The following NCKAP5 variants were observed in gnomAD, a reference collection of about 807,000 sequenced individuals.
NCKAP5 encodes nck-associated protein 5.
In NCKAP5, 92 loss-of-function variants were observed where a neutral mutation model predicts 167.0. That is an observed-to-expected ratio of 0.55 (90% CI 0.47 to 0.66). NCKAP5 has a LOEUF of 0.66. Among genes scored for constraint, NCKAP5 ranks in the 30% least tolerant of loss-of-function variants. The pLI is 0.00. For missense variants in NCKAP5, 2,378 were observed against 2,315.0 expected (o/e 1.03, Z -0.56); for synonymous variants, 891 against 877.4 (o/e 1.02, Z -0.27).
At chr2:133,130,984 G>T (rs1188928017) in intron 5 of NCKAP5, among the ~76,000 whole-genome samples, 1 of 152,124 alleles carries the variant, frequency 6.6e-6, no homozygotes, top group Non-Finnish European at 1.5e-5. Context: ...GATCATGAGG[G>T]ACATATATAC....
the NCKAP5 span, among the ~76,000 whole-genome samples, chr2:133,649,216 T>C: frequency 6.6e-6 from 1 of 150,508 alleles, no homozygotes; most frequent in South Asian, 2.1e-4. Context: ...AACAGACCTA[T>C]ATCTAGTATG....
intron 19 of NCKAP5, among the ~76,000 whole-genome samples, chr2:132,707,186 G>A (rs1688441663): frequency 6.6e-6 from 1 of 152,218 alleles, no homozygotes; most frequent in African/African-American, 2.4e-5. Context: ...GCGTTGTGTG[G>A]AGAATCCACA....
At chr2:132,764,109 T>C (rs1286537911) in intron 16 of NCKAP5, among the ~76,000 whole-genome samples, 2 of 152,142 alleles carry the variant, frequency 1.3e-5, no homozygotes, top group Admixed American at 6.5e-5. Context: ...AGTATGCTCA[T>C]AAATACAGAA....
chr2:133,254,072 G>A (rs1468415313), intron 4 of NCKAP5, among the ~76,000 whole-genome samples: 1 of 152,156 alleles, frequency 6.6e-6, no homozygotes. Context: ...AACTATAGCA[G>A]CTGATCTCCA....
At chr2:133,365,470 T>C (rs1685397423) in intron 3 of NCKAP5, among the ~76,000 whole-genome samples, 1 of 151,862 alleles carries the variant, frequency 6.6e-6, no homozygotes, top group South Asian at 2.1e-4. Flanking sequence ...GCCAGGATCA[T>C]TGGATGATAA....
At chr2:133,560,482 C>A (rs1410007882) in intron 1 of NCKAP5, among the ~76,000 whole-genome samples, 2 of 152,090 alleles carry the variant, frequency 1.3e-5, no homozygotes, top group African/African-American at 4.8e-5. Context: ...GAGTACATCA[C>A]AAGTAAAGAA....
intron 2 of NCKAP5, among the ~76,000 whole-genome samples, chr2:133,544,296 C>G (rs1283685481): frequency 3.9e-5 from 6 of 152,178 alleles, no homozygotes; most frequent in African/African-American, 1.2e-4. Flanking sequence ...CACGTGTATA[C>G]ACAAACACAC....
intron 5 of NCKAP5, among the ~76,000 whole-genome samples, chr2:133,162,596 C>G (rs933233573): frequency 6.6e-6 from 1 of 152,136 alleles, no homozygotes; most frequent in Non-Finnish European, 1.5e-5. Context: ...GAGACCGTCA[C>G]CTATTACTTG....
intron 8 of NCKAP5, among the ~76,000 whole-genome samples, chr2:132,907,583 T>A (rs928145797): frequency 1.4e-5 from 2 of 144,032 alleles, no homozygotes; most frequent in Non-Finnish European, 3.0e-5. Context: ...TATGATTGCC[T>A]CATAATCAAG....
At chr2:133,466,345 C>A (rs1212836788) in intron 3 of NCKAP5, among the ~76,000 whole-genome samples, 1 of 150,074 alleles carries the variant, frequency 6.7e-6, no homozygotes, top group African/African-American at 2.5e-5. Flanking sequence ...TTTCTGAGGG[C>A]TCTGTTCTGT....
intron 3 of NCKAP5, among the ~76,000 whole-genome samples, chr2:133,407,127 T>A (rs1403316327): frequency 1.3e-5 from 2 of 152,188 alleles, no homozygotes; most frequent in Non-Finnish European, 2.9e-5. Flanking sequence ...TAATGGGGAA[T>A]GTTTATCCGC....
At chr2:133,442,463 C>T (rs973301419) in intron 3 of NCKAP5, among the ~76,000 whole-genome samples, 1 of 152,154 alleles carries the variant, frequency 6.6e-6, no homozygotes, top group African/African-American at 2.4e-5. Flanking sequence ...ATTGTCCGCA[C>T]CAGGGGTTCT....
At chr2:132,682,027 A>G (rs1183843975) in intron 19 of NCKAP5, among the ~76,000 whole-genome samples, 1 of 152,208 alleles carries the variant, frequency 6.6e-6, no homozygotes, top group Non-Finnish European at 1.5e-5. Context: ...TCAGCTTTTC[A>G]TTTGGATAAA....
At chr2:133,042,488 ATTTG>A (rs1282533193) in intron 6 of NCKAP5, among the ~76,000 whole-genome samples, 1 of 152,214 alleles carries the variant, frequency 6.6e-6, no homozygotes, top group Non-Finnish European at 1.5e-5. Flanking sequence ...AAGCCAAAGA[ATTTG>A]TTTGTGAAAA....
chr2:133,550,974 T>C (rs1002386891), intron 2 of NCKAP5, among the ~76,000 whole-genome samples: 1 of 152,218 alleles, frequency 6.6e-6, no homozygotes, highest in Admixed American at 6.5e-5. Context: ...AGCCAAATCA[T>C]GAGTGAATTC....
intron 3 of NCKAP5, among the ~76,000 whole-genome samples, chr2:133,502,679 C>T (rs975261872): frequency 7.9e-5 from 12 of 152,312 alleles, no homozygotes; most frequent in African/African-American, 2.4e-4. Flanking sequence ...CCTTCCACCC[C>T]GGTGACTCCC....
At chr2:133,114,300 A>G (rs894900030) in intron 6 of NCKAP5, among the ~76,000 whole-genome samples, 11 of 152,346 alleles carry the variant, frequency 7.2e-5, no homozygotes, top group South Asian at 2.1e-4. Flanking sequence ...AACATCTGCA[A>G]AAGTAAAGGT....
At chr2:133,457,837 G>A (rs1244526421) in intron 3 of NCKAP5, among the ~76,000 whole-genome samples, 2 of 152,090 alleles carry the variant, frequency 1.3e-5, no homozygotes, top group African/African-American at 4.8e-5. Context: ...AATTGGTTAT[G>A]CAACTAAAAT....
chr2:133,090,557 G>A (rs2081141450), intron 6 of NCKAP5, among the ~76,000 whole-genome samples: 2 of 152,076 alleles, frequency 1.3e-5, no homozygotes, highest in African/African-American at 4.8e-5. Flanking sequence ...AGGGAATGTG[G>A]CTCTGCAGAC....
Sources: allele counts gnomAD v4.1 joint callset (sites outside exome capture counted in the v4.1 genomes callset), GRCh38; gene constraint gnomAD v4.1.1; transcripts MANE v1.5; gene names NCBI Gene and HGNC (gene_info 2026-07-23, HGNC 2026-07-21).